Variants in SMYD3 observed in about 807,000 individuals in gnomAD.
The protein encoded by SMYD3 is SET and MYND domain containing 3, also known as histone-lysine N-methyltransferase SMYD3.
In SMYD3, 36 loss-of-function variants were observed where a neutral mutation model predicts 57.7. The ratio of observed to expected loss-of-function variants is 0.62; its 90% confidence interval spans 0.48 to 0.82. The LOEUF is 0.82. Among genes scored for constraint, SMYD3 ranks in the 40% least tolerant of loss-of-function variants. The pLI, the probability that SMYD3 is intolerant of heterozygous loss-of-function variation, is 0.00. For missense variants in SMYD3, 515 were observed against 538.8 expected, an observed-to-expected ratio of 0.96 and a Z score of 0.44; for synonymous variants, 211 against 195.0, an observed-to-expected ratio of 1.08 and a Z score of -0.68.
intron 5 of SMYD3, among the ~76,000 whole-genome samples, chr1:246,151,239 C>G (rs1572113777): frequency 7.1e-6 from 1 of 139,992 alleles, no homozygotes; most frequent in Non-Finnish European, 1.5e-5. Flanking sequence ...GAGTAAGACT[C>G]TGTCTCAAAA....
chr1:246,233,774 A>C (rs78243932), intron 5 of SMYD3, among the ~76,000 whole-genome samples: 1,679 of 112,694 alleles, frequency 0.015, 63 homozygotes, highest in African/African-American at 0.039. Context: ...GCAGAGGAGA[A>C]ACGCTCCTTC....
chr1:245,859,970 C>T (rs1177810698), intron 9 of SMYD3, among the ~76,000 whole-genome samples: 1 of 152,134 alleles, frequency 6.6e-6, no homozygotes, highest in Non-Finnish European at 1.5e-5. Context: ...CATGATGTGT[C>T]CTCTCATGAG....
chr1:246,293,184 G>T (rs1260400199), intron 5 of SMYD3, among the ~76,000 whole-genome samples: 1 of 151,530 alleles, frequency 6.6e-6, no homozygotes, highest in African/African-American at 2.4e-5. Context: ...AATGTTATGG[G>T]TCCCTGACCT....
chr1:246,069,906 C>G (rs1352413817), intron 5 of SMYD3, among the ~76,000 whole-genome samples: 1 of 152,230 alleles, frequency 6.6e-6, no homozygotes, highest in Non-Finnish European at 1.5e-5. Context: ...TCATCTCCCC[C>G]ACATCCCTCC....
intron 5 of SMYD3, among the ~76,000 whole-genome samples, chr1:246,167,527 T>TG (rs2062239107): frequency 6.7e-6 from 1 of 150,148 alleles, no homozygotes; most frequent in Non-Finnish European, 1.5e-5. Context: ...TTTTTTTTTT[T>TG]GAAGACGGAG....
intron 5 of SMYD3, among the ~76,000 whole-genome samples, chr1:246,160,540 C>T (rs536243738): frequency 2.3e-4 from 35 of 152,172 alleles, no homozygotes; most frequent in African/African-American, 7.5e-4. Context: ...GGCCCAGAGC[C>T]GAAGGATGTT....
intron 1 of SMYD3, among the ~76,000 whole-genome samples, chr1:246,464,345 A>G (rs2067852008): frequency 6.6e-6 from 1 of 151,992 alleles, no homozygotes. Context: ...GCAAAACCCC[A>G]TCTCTACTAA....
At chr1:246,415,869 T>C (rs2067053319) in intron 1 of SMYD3, among the ~76,000 whole-genome samples, 1 of 152,260 alleles carries the variant, frequency 6.6e-6, no homozygotes, top group Non-Finnish European at 1.5e-5. Context: ...GTCATTTTTA[T>C]GGTGTTCTGG....
intron 10 of SMYD3, among the ~76,000 whole-genome samples, chr1:245,842,609 C>G (rs2050460798): frequency 6.6e-6 from 1 of 152,202 alleles, no homozygotes; most frequent in Non-Finnish European, 1.5e-5. Flanking sequence ...AGAAAAGAAA[C>G]TTAACTTATA....
intron 5 of SMYD3, among the ~76,000 whole-genome samples, chr1:246,124,825 G>C (rs1489209440): frequency 1.3e-5 from 2 of 149,132 alleles, no homozygotes; most frequent in East Asian, 4.0e-4. Flanking sequence ...CTGTAATAGA[G>C]TGATCTTTTC....
intron 5 of SMYD3, among the ~76,000 whole-genome samples, chr1:246,149,299 G>A (rs920084942): frequency 6.6e-6 from 1 of 152,164 alleles, no homozygotes; most frequent in Non-Finnish European, 1.5e-5. Flanking sequence ...CTAATGAAGA[G>A]CAGGGCTCGA....
chr1:246,397,370 G>T (rs932370257), intron 1 of SMYD3, among the ~76,000 whole-genome samples: 10 of 152,150 alleles, frequency 6.6e-5, no homozygotes, highest in African/African-American at 1.9e-4. Context: ...AGTCCCTGGT[G>T]CCAAAAAGGT....
intron 10 of SMYD3, among the ~76,000 whole-genome samples, chr1:245,837,990 G>A (rs989213711): frequency 7.9e-5 from 12 of 152,212 alleles, no homozygotes; most frequent in Admixed American, 5.9e-4. Flanking sequence ...CCACCAGGGA[G>A]TATCATCGAA....
At chr1:246,358,037 T>G (rs902389028) in intron 1 of SMYD3, among the ~76,000 whole-genome samples, 1 of 152,118 alleles carries the variant, frequency 6.6e-6, no homozygotes, top group Non-Finnish European at 1.5e-5. Flanking sequence ...TGGATAAGAA[T>G]TCACCAACTA....
At chr1:246,160,683 G>A (rs759185068) in intron 5 of SMYD3, among the ~76,000 whole-genome samples, 9 of 152,268 alleles carry the variant, frequency 5.9e-5, no homozygotes, top group East Asian at 5.8e-4. Flanking sequence ...CCCACATGAC[G>A]TCTCTCATGA....
chr1:245,843,696 T>C (rs2050520641), intron 10 of SMYD3, among the ~76,000 whole-genome samples: 1 of 152,170 alleles, frequency 6.6e-6, no homozygotes, highest in South Asian at 2.1e-4. Flanking sequence ...GATGTTGTCT[T>C]GGAACCAGTC....
chr1:246,240,609 T>C (rs2063592510), intron 5 of SMYD3, among the ~76,000 whole-genome samples: 1 of 152,110 alleles, frequency 6.6e-6, no homozygotes, highest in Non-Finnish European at 1.5e-5. Flanking sequence ...TTAAAGTAGT[T>C]TTTTCCAATT....
intron 5 of SMYD3, among the ~76,000 whole-genome samples, chr1:246,250,697 T>G (rs961609662): frequency 1.3e-5 from 2 of 152,300 alleles, no homozygotes; most frequent in South Asian, 4.1e-4. Context: ...AGAAAAAAAT[T>G]ACTTTGACGT....
intron 2 of SMYD3, among the ~76,000 whole-genome samples, chr1:246,347,139 A>C (rs1325082834): frequency 6.6e-6 from 1 of 152,182 alleles, no homozygotes; most frequent in African/African-American, 2.4e-5. Context: ...CAAAGACAAA[A>C]AAAGACTTTA....
Sources: allele counts gnomAD v4.1 joint callset (sites outside exome capture counted in the v4.1 genomes callset), GRCh38; gene constraint gnomAD v4.1.1; transcripts MANE v1.5; gene names NCBI Gene and HGNC (gene_info 2026-07-23, HGNC 2026-07-21).